Variants in GRID1 observed in about 807,000 individuals in gnomAD.
The protein encoded by GRID1 is glutamate receptor ionotropic, delta-1.
In GRID1, 28 loss-of-function variants were observed where a neutral mutation model predicts 98.0. That is an observed-to-expected ratio of 0.29 (90% confidence interval 0.21 to 0.39). GRID1 has a LOEUF of 0.39. GRID1 is among the 10% of genes least tolerant of loss of function. The pLI is 1.00. For missense variants in GRID1, 1,111 were observed against 1,340.5 expected, an observed-to-expected ratio of 0.83 and a Z score of 2.67; for synonymous variants, 553 against 538.5, an observed-to-expected ratio of 1.03 and a Z score of -0.37.
Position 86,138,097 on chromosome 10 carries a change from C to T in GRID1, c.726+722G>A, listed in dbSNP as rs932116867. Among the ~76,000 whole-genome samples, 16 of 152,264 alleles carry T rather than the reference C, an allele frequency of 1.1e-4. No individual in the cohort carries two copies. In the Middle Eastern group the frequency reaches 0.01, roughly 97 times the overall value. Reference sequence around the variant, plus strand: ...CCCCAGCTCACCCCCCAAAACCAACCCAGGCCAGAGGGAGACCTGCCAACT... The same window carrying T: ...CCCCAGCTCACCCCCCAAAACCAACTCAGGCCAGAGGGAGACCTGCCAACT... On this transcript the variant is annotated intron_variant, in intron 4 of 15. Transcript: ENST00000327946.
chr10:86,221,253 C>T (rs1432894957), intron 2 of GRID1, among the ~76,000 whole-genome samples: 7 of 152,174 alleles, frequency 4.6e-5, no homozygotes, highest in African/African-American at 1.4e-4. Flanking sequence ...AAAAATAATA[C>T]AACAAAACTC....
chr10:85,763,782 A>T (rs1842170910), intron 8 of GRID1, among the ~76,000 whole-genome samples: 1 of 152,240 alleles, frequency 6.6e-6, no homozygotes, highest in Non-Finnish European at 1.5e-5. Flanking sequence ...ATTTCAGTTT[A>T]ATCAGTGTTA....
intron 13 of GRID1, among the ~76,000 whole-genome samples, chr10:85,630,688 G>A (rs556796186): frequency 6.6e-6 from 1 of 152,226 alleles, no homozygotes; most frequent in African/African-American, 2.4e-5. Flanking sequence ...CTCAAAGTGT[G>A]TTTTCTGGCC....
chr10:85,922,692 A>G (rs2131828058), intron 4 of GRID1, among the ~76,000 whole-genome samples: 2 of 152,342 alleles, frequency 1.3e-5, no homozygotes, highest in East Asian at 3.9e-4. Flanking sequence ...CAAAGCATGC[A>G]GGAGCGCAAC....
At chr10:85,707,848 C>T (rs564170308) in intron 12 of GRID1, among the ~76,000 whole-genome samples, 1 of 151,984 alleles carries the variant, frequency 6.6e-6, no homozygotes, top group African/African-American at 2.4e-5. Flanking sequence ...TCATTCTCAG[C>T]AAACTGTTGC....
At chr10:85,891,194 T>A (rs1163752614) in intron 5 of GRID1, among the ~76,000 whole-genome samples, 1 of 152,216 alleles carries the variant, frequency 6.6e-6, no homozygotes, top group Non-Finnish European at 1.5e-5. Context: ...CTCATTTTTT[T>A]TATCCCTGAG....
Position 86,365,474 on chromosome 10 carries a change from C to A in GRID1, c.79+840G>T, listed in dbSNP as rs1848663279. Among the ~76,000 whole-genome samples, 1 of 151,646 alleles carries A rather than the reference C, an allele frequency of 6.6e-6. No homozygotes were observed. The highest frequency in any genetic ancestry group is 2.4e-5 in the African/African-American group (1 of 41,242). On this transcript the variant is annotated intron_variant, in intron 1 of 15. Transcript: ENST00000327946. The surrounding 1 kb of genome is among the most constrained non-coding windows in gnomAD (Gnocchi z 4.8). Reference sequence around the variant, plus strand: ...GCGCCCACTCCCCCTCGGCGCGCCCCCTCCTCCTCTGCGCTTTCATCTTCT... The same window carrying A: ...GCGCCCACTCCCCCTCGGCGCGCCCACTCCTCCTCTGCGCTTTCATCTTCT...
chr10:86,348,143 C>T (rs1189691249), intron 2 of GRID1, among the ~76,000 whole-genome samples: 1 of 152,198 alleles, frequency 6.6e-6, no homozygotes, highest in East Asian at 1.9e-4. Context: ...GTGTGCAGGT[C>T]CTCGTGTGTA....
chr10:86,295,642 G>A (rs540314476), intron 2 of GRID1, among the ~76,000 whole-genome samples: 6 of 152,268 alleles, frequency 3.9e-5, no homozygotes, highest in South Asian at 4.1e-4. Flanking sequence ...GCGATATGAC[G>A]GCCAAAACTG....
intron 13 of GRID1, among the ~76,000 whole-genome samples, chr10:85,628,516 G>C (rs1842937010): frequency 1.3e-5 from 2 of 152,162 alleles, no homozygotes; most frequent in Non-Finnish European, 1.5e-5. Context: ...CAGAAAAAGT[G>C]GACCTTCAGC....
chr10:85,703,241 C>T (rs1841473589), intron 12 of GRID1, among the ~76,000 whole-genome samples: 3 of 152,132 alleles, frequency 2.0e-5, no homozygotes, highest in Admixed American at 1.3e-4. Flanking sequence ...AGAAATCATA[C>T]TACTTATTAT....
At chr10:86,021,046 ACCTG>A (rs57361811) in intron 4 of GRID1, among the ~76,000 whole-genome samples, 10 of 151,610 alleles carry the variant, frequency 6.6e-5, no homozygotes, top group South Asian at 2.1e-4. Context: ...ATTCAACCTG[ACCTG>A]CCTGCCTGCC....
chr10:85,845,294 A>G (rs1291415247), intron 8 of GRID1, among the ~76,000 whole-genome samples: 1 of 152,144 alleles, frequency 6.6e-6, no homozygotes, highest in African/African-American at 2.4e-5. Context: ...TAGAAAAATC[A>G]ATTTGAAATT....
chr10:85,712,539 A>G (rs1019491709), intron 12 of GRID1, among the ~76,000 whole-genome samples: 2 of 151,882 alleles, frequency 1.3e-5, no homozygotes, highest in Non-Finnish European at 3.0e-5. Context: ...CAATAAGTAA[A>G]AGCAGACTTG....
At chr10:85,908,635 C>G (rs1035669647) in intron 5 of GRID1, among the ~76,000 whole-genome samples, 2 of 152,158 alleles carry the variant, frequency 1.3e-5, no homozygotes, top group Non-Finnish European at 2.9e-5. Context: ...AGATTCACTG[C>G]AATCCCAAAT....
chr10:86,225,923 T>G (rs1444192860), intron 2 of GRID1, among the ~76,000 whole-genome samples: 1 of 152,132 alleles, frequency 6.6e-6, no homozygotes, highest in Non-Finnish European at 1.5e-5. Context: ...CCATCAAGGC[T>G]GCAGGCATTC....
chr10:85,714,697 T>G (rs1287617756), intron 12 of GRID1, among the ~76,000 whole-genome samples: 1 of 152,058 alleles, frequency 6.6e-6, no homozygotes, highest in Non-Finnish European at 1.5e-5. Context: ...GTGAAAAATC[T>G]GTATGCCATG....
chr10:86,358,472 G>A (rs1342408409), intron 2 of GRID1, among the ~76,000 whole-genome samples: 1 of 152,100 alleles, frequency 6.6e-6, no homozygotes, highest in Admixed American at 6.6e-5. Flanking sequence ...CCTTAAAATA[G>A]GGAGGGCCGG....
rs73336508 is a variant in GRID1, at chr10:85,848,017, A to C, written c.1233+6479T>G. Among the ~76,000 whole-genome samples, 868 of 152,320 alleles carry C rather than the reference A, an allele frequency of 5.7e-3. 8 individuals carry two copies. The highest frequency in any genetic ancestry group is 0.02 in the African/African-American group (816 of 41,594). On this transcript the variant is annotated intron_variant, in intron 8 of 15. Transcript: ENST00000327946. ...GAGGTATAATTTACAAAAATGTGAA[A>C]TACAAATGACCAATAATTATACTTT...
Sources: allele counts gnomAD v4.1 joint callset (sites outside exome capture counted in the v4.1 genomes callset), GRCh38; gene constraint gnomAD v4.1.1; non-coding constraint Gnocchi (gnomAD v3.1); transcripts MANE v1.5; gene names NCBI Gene and HGNC (gene_info 2026-07-23, HGNC 2026-07-21).